PCNX1: variants seen among roughly 807,000 people sequenced by gnomAD.
PCNX1 encodes the protein pecanex-like protein 1.
In PCNX1, 78 loss-of-function variants were observed where a neutral mutation model predicts 242.2. The ratio of observed to expected loss-of-function variants is 0.32; its 90% CI spans 0.27 to 0.39. The LOEUF (loss-of-function observed/expected upper bound fraction) is 0.39, where lower values mean the gene tolerates loss of function less well. PCNX1 is among the 10% of genes least tolerant of loss of function. The probability of loss-of-function intolerance (pLI) is 1.00; values close to 1 mark genes in which losing one functional copy is unlikely to be tolerated. For missense variants in PCNX1, 2,581 were observed against 2,856.5 expected (o/e 0.90, Z 2.20); for synonymous variants, 1,024 against 1,032.9 (o/e 0.99, Z 0.17).
At chr14:71,061,123 A>G (rs2061315945) in intron 26 of PCNX1, among the ~76,000 whole-genome samples, 2 of 152,184 alleles carry the variant, frequency 1.3e-5, no homozygotes, top group African/African-American at 4.8e-5. Flanking sequence ...TTTCATCCAT[A>G]AAGAGGCCAA....
At chr14:71,005,555 A>G (rs1403468706) in intron 8 of PCNX1, among the ~76,000 whole-genome samples, 1 of 151,744 alleles carries the variant, frequency 6.6e-6, no homozygotes, top group Non-Finnish European at 1.5e-5. Flanking sequence ...TTCTTAGGTG[A>G]GTACTGTTCT....
At chr14:71,060,071 T>C (rs1028105588) in intron 26 of PCNX1, among the ~76,000 whole-genome samples, 3 of 152,220 alleles carry the variant, frequency 2.0e-5, no homozygotes, top group African/African-American at 7.2e-5. Context: ...CACTTTACCA[T>C]GTTTTTATCG....
chr14:70,971,869 A>G (rs1397355639), intron 5 of PCNX1, among the ~76,000 whole-genome samples: 1 of 152,210 alleles, frequency 6.6e-6, no homozygotes, highest in Non-Finnish European at 1.5e-5. Flanking sequence ...GCTCAGAGTA[A>G]GTGAAGGGCC....
chr14:71,039,236 TAAAA>T (rs909198254), intron 19 of PCNX1, among the ~76,000 whole-genome samples: 69 of 151,756 alleles, frequency 4.5e-4, no homozygotes, highest in African/African-American at 1.0e-3. Context: ...AAAAAAAAAT[TAAAA>T]AAACAAAAAA....
In PCNX1 at chr14:71,112,003, A is replaced by ATAATC. The variant is rs1226167622; in HGVS notation, c.*2071_*2075dup. 2 of 152,504 alleles carry ATAATC rather than the reference A, an allele frequency of 1.3e-5. No individual in the cohort carries two copies. The highest frequency in any genetic ancestry group is 2.9e-5 in the Non-Finnish European group (2 of 67,918). 9.4% of individuals were successfully genotyped at this position (152,504 alleles called of 1,614,324 possible). A position where few individuals can be genotyped will look rare whatever the true frequency, so the allele number is the denominator to read the frequency against. On this transcript the variant is annotated 3_prime_UTR_variant, in exon 36 of 36. Coordinates refer to ENST00000304743, the MANE Select transcript of PCNX1 (RefSeq NM_014982.3). The stretch of plus-strand genomic sequence containing the variant: ...AGGGTTTTTTTCTGAAACTGAATTT[A>ATAATC]TAATCTATTTCTCTGTATACGTATA...
intron 2 of PCNX1, among the ~76,000 whole-genome samples, chr14:70,956,281 G>A (rs1420433982): frequency 6.6e-6 from 1 of 152,098 alleles, no homozygotes; most frequent in Non-Finnish European, 1.5e-5. Flanking sequence ...AGTGGCTCAC[G>A]CTTGTATTCC....
intron 19 of PCNX1, among the ~76,000 whole-genome samples, chr14:71,041,225 A>G (rs2060694333): frequency 6.6e-6 from 1 of 152,066 alleles, no homozygotes; most frequent in South Asian, 2.1e-4. Context: ...TGGTAACTCT[A>G]TTTTTAGTTT....
Position 70,995,945 on chromosome 14 carries a change from T to C in PCNX1, c.2629+20T>C. On this transcript the variant is annotated intron_variant, in intron 8 of 35. Coordinates refer to ENST00000304743, the MANE Select transcript of PCNX1 (RefSeq NM_014982.3). ...AACTTGGTATGCAGGCCTTATGTAA[T>C]CTTGATGATACAAAAACTTTAATGC... The C allele has an allele frequency of 6.3e-7, 1 of 1,589,704 alleles. No homozygotes were observed. Among genetic ancestry groups the C allele is most frequent in the Non-Finnish European group, 8.6e-7 (1 of 1,157,892 alleles).
intron 16 of PCNX1, among the ~76,000 whole-genome samples, chr14:71,029,958 A>G (rs1309533972): frequency 6.6e-6 from 1 of 152,232 alleles, no homozygotes; most frequent in Non-Finnish European, 1.5e-5. Flanking sequence ...GAGGAATATT[A>G]TGAATAAGCC....
chr14:71,062,568 A>T (rs1238190380), intron 26 of PCNX1, among the ~76,000 whole-genome samples: 2 of 152,094 alleles, frequency 1.3e-5, no homozygotes, highest in African/African-American at 4.8e-5. Context: ...GCAGCTATAC[A>T]ATATGTGTTT....
At chr14:70,915,495 C>A (rs1278201681) in intron 1 of PCNX1, among the ~76,000 whole-genome samples, 2 of 152,132 alleles carry the variant, frequency 1.3e-5, no homozygotes, top group African/African-American at 4.8e-5. Context: ...CAAAAATGGG[C>A]TCATAGAATT....
At chr14:71,083,278 C>G (rs535451137) in intron 28 of PCNX1, among the ~76,000 whole-genome samples, 44 of 152,284 alleles carry the variant, frequency 2.9e-4, no homozygotes, top group African/African-American at 9.9e-4. Context: ...TCTGGCTGCC[C>G]TTAACATTTT....
chr14:71,084,787 T>C (rs1307563258), intron 28 of PCNX1, among the ~76,000 whole-genome samples: 2 of 152,136 alleles, frequency 1.3e-5, no homozygotes, highest in Non-Finnish European at 2.9e-5. Flanking sequence ...CTGGGCTCCG[T>C]AGGGGTGGGA....
chr14:71,107,868 A>G (rs142445108), intron 33 of PCNX1, among the ~76,000 whole-genome samples: 2 of 152,352 alleles, frequency 1.3e-5, no homozygotes, highest in African/African-American at 4.8e-5. Context: ...TATTTATGGT[A>G]TACAACATCA....
chr14:71,040,010 C>A (rs1341926944), intron 19 of PCNX1, among the ~76,000 whole-genome samples: 1 of 152,098 alleles, frequency 6.6e-6, no homozygotes, highest in Non-Finnish European at 1.5e-5. Flanking sequence ...TGAAGTCTCA[C>A]TATGTTGCCC....
At chr14:70,961,659 C>T (rs2058219280) in intron 2 of PCNX1, among the ~76,000 whole-genome samples, 1 of 152,116 alleles carries the variant, frequency 6.6e-6, no homozygotes, top group African/African-American at 2.4e-5. Flanking sequence ...GATCTAAAAT[C>T]TTAGGTTTCC....
intron 8 of PCNX1, among the ~76,000 whole-genome samples, chr14:71,006,723 A>G (rs1046209841): frequency 5.9e-5 from 9 of 152,208 alleles, no homozygotes; most frequent in African/African-American, 1.7e-4. Context: ...TCATAAACCA[A>G]TAGTAATATA....
chr14:71,038,532 C>T (rs2060612727), intron 19 of PCNX1, among the ~76,000 whole-genome samples: 1 of 152,054 alleles, frequency 6.6e-6, no homozygotes, highest in Admixed American at 6.6e-5. Context: ...GAGATACCAT[C>T]TCACACCAGT....
chr14:70,916,492 G>A (rs569941085), intron 1 of PCNX1, among the ~76,000 whole-genome samples: 1 of 152,254 alleles, frequency 6.6e-6, no homozygotes, highest in East Asian at 1.9e-4. Flanking sequence ...GCGATAAAGC[G>A]AATATTGCAA....
Sources: gnomAD v4.1 joint callset for allele counts (sites outside exome capture counted in the v4.1 genomes callset) on GRCh38, gnomAD v4.1.1 for gene constraint, MANE v1.5 for transcripts, NCBI Gene and HGNC (gene_info 2026-07-23, HGNC 2026-07-21) for gene names.